Variants in ESR1 observed in about 807,000 individuals in gnomAD.
ESR1 encodes estrogen receptor.
Under a neutral mutation model 52.7 loss-of-function variants are expected in ESR1, and 12 were observed. The ratio of observed to expected loss-of-function variants is 0.23; its 90% CI spans 0.15 to 0.37. The LOEUF is 0.37. ESR1 is among the 10% of genes least tolerant of loss of function. ESR1 has a pLI of 1.00. For synonymous variants in ESR1, 305 were observed against 316.8 expected, an observed-to-expected ratio of 0.96 and a Z score of 0.39; for missense variants, 584 against 779.7, an observed-to-expected ratio of 0.75 and a Z score of 2.99.
At position 151,981,493 on chromosome 6, in the gene ESR1, A is replaced by G. The variant is rs55755458; in HGVS notation, c.1097-30163A>G. 5.1e-3 allele frequency among the ~76,000 whole-genome samples: 776 copies of G among 152,326 alleles called. 9 individuals carry two copies. Among genetic ancestry groups the G allele is most frequent in the African/African-American group, 0.018 (756 of 41,578 alleles). On this transcript the variant is annotated intron_variant, in intron 4 of 7. Transcript: ENST00000206249. ...TTATGGAAACTTTCGACCCAAGGGA[A>G]ATATCAAGGCTAAAGTTGCTATATT...
rs375828683 is a variant in ESR1, at chr6:151,985,959, G to A, written c.1097-25697G>A. Among the ~76,000 whole-genome samples the A allele has an allele frequency of 9.3e-4, 142 of 152,264 alleles. 3 individuals carry two copies. The Middle Eastern group carries it at 0.024, about 26-fold the overall frequency. On this transcript the variant is annotated intron_variant, in intron 4 of 7. Transcript: ENST00000206249. ...GCTGGGATTACAGGTGTGAGCCACC[G>A]TGCCTGCCCCAATTGTTACAGCTTT... is the stretch of plus-strand genomic sequence containing the variant.
At chr6:152,087,651 G>A (rs1471890928) in intron 6 of ESR1, among the ~76,000 whole-genome samples, 1 of 152,198 alleles carries the variant, frequency 6.6e-6, no homozygotes, top group Non-Finnish European at 1.5e-5. Context: ...AGCCAGAAAG[G>A]CAGAACAGGC....
Position 152,028,080 on chromosome 6 carries a change from C to T in ESR1, c.1235+16286C>T, listed in dbSNP as rs1312476943. Among the ~76,000 whole-genome samples the T allele has an allele frequency of 2.0e-5, 3 of 151,994 alleles. No individual in the cohort carries two copies. In the East Asian group the frequency reaches 5.8e-4, roughly 29 times the overall value. ...AATGGCCTGAATCCGGGAGGCAGAG[C>T]TTGCAGTGAGCCAAGATCACGCCAT... On this transcript the variant is annotated intron_variant, in intron 5 of 7. Transcript: ENST00000206249.
chr6:151,988,562 G>A (rs2040720534), intron 4 of ESR1, among the ~76,000 whole-genome samples: 1 of 152,072 alleles, frequency 6.6e-6, no homozygotes, highest in Non-Finnish European at 1.5e-5. Flanking sequence ...ACACACTGGG[G>A]CCTTTCGGAG....
At chr6:151,692,732 C>T (rs1297373746) in intron 1 of ESR1, among the ~76,000 whole-genome samples, 1 of 152,212 alleles carries the variant, frequency 6.6e-6, no homozygotes, top group East Asian at 1.9e-4. Flanking sequence ...GGCAACATCT[C>T]AGTAGACTTC....
intron 3 of ESR1, among the ~76,000 whole-genome samples, chr6:151,903,680 A>G (rs924646647): frequency 6.6e-6 from 1 of 152,172 alleles, no homozygotes; most frequent in African/African-American, 2.4e-5. Flanking sequence ...GACCTCTCAC[A>G]GGGAAGAGCA....
At chr6:152,090,031 G>A (rs1405431846) in intron 6 of ESR1, among the ~76,000 whole-genome samples, 2 of 152,200 alleles carry the variant, frequency 1.3e-5, no homozygotes, top group Non-Finnish European at 2.9e-5. Flanking sequence ...GCCTCGGGCT[G>A]TCCAAACACC....
intron 4 of ESR1, among the ~76,000 whole-genome samples, chr6:151,953,236 T>C (rs1478025624): frequency 6.6e-6 from 1 of 152,162 alleles, no homozygotes; most frequent in African/African-American, 2.4e-5. Context: ...AGACCCATTG[T>C]GTGCTAACCT....
At chr6:151,714,489 C>G (rs1048684692) in intron 2 of ESR1, among the ~76,000 whole-genome samples, 7 of 152,114 alleles carry the variant, frequency 4.6e-5, no homozygotes, top group African/African-American at 1.7e-4. Context: ...TTGTAGGTCT[C>G]TAAGAACTTG....
intron 1 of ESR1, among the ~76,000 whole-genome samples, chr6:151,822,136 TA>T (rs1174989915): frequency 6.6e-6 from 1 of 152,192 alleles, no homozygotes; most frequent in African/African-American, 2.4e-5. Context: ...AATTGTCAGT[TA>T]AAAAATTTTA....
intron 2 of ESR1, among the ~76,000 whole-genome samples, chr6:151,853,458 A>C (rs566021688): frequency 6.6e-6 from 1 of 152,202 alleles, no homozygotes; most frequent in Non-Finnish European, 1.5e-5. Flanking sequence ...TGAAGAACTC[A>C]GAAGAGTTAA....
chr6:152,061,096 C>T lies in ESR1; in HGVS notation c.1341C>T (p.Cys447=), dbSNP rs1218400772. 3 of 1,613,556 alleles carry T rather than the reference C, an allele frequency of 1.9e-6. No homozygotes were observed. Among genetic ancestry groups the T allele is most frequent in the Admixed American group, 1.7e-5 (1 of 59,974 alleles). ...MMNLQGEEFV[C]LKSIILLNSG... ...ATCTGCAGGGAGAGGAGTTTGTGTGCCTCAAATCTATTATTTTGCTTAATT... is the reference window on the plus strand; with the variant it reads ...ATCTGCAGGGAGAGGAGTTTGTGTGTCTCAAATCTATTATTTTGCTTAATT... The change falls in exon 6 of 8, where the codon TGC becomes TGT. Residue 447 remains cysteine (C), a synonymous_variant. Transcript: ENST00000206249. This position sits in a 1 kb window ranked among gnomAD's most constrained non-coding sequence, Gnocchi z 4.3.
At chr6:151,832,416 A>T (rs574294066) in intron 1 of ESR1, among the ~76,000 whole-genome samples, 85 of 152,298 alleles carry the variant, frequency 5.6e-4, no homozygotes, top group Middle Eastern at 6.8e-3. Context: ...TACAAAATAA[A>T]TACATACAAA....
intron 6 of ESR1, among the ~76,000 whole-genome samples, chr6:152,120,589 G>A (rs929815746): frequency 8.5e-5 from 13 of 152,122 alleles, no homozygotes; most frequent in African/African-American, 2.4e-4. Flanking sequence ...CAAGAAGGAG[G>A]TGGCTTGTGA....
At chr6:152,037,580 G>A (rs1026351399) in intron 5 of ESR1, among the ~76,000 whole-genome samples, 3 of 152,128 alleles carry the variant, frequency 2.0e-5, no homozygotes. Flanking sequence ...AGCCTTAGAG[G>A]CATTCCTTCT....
At chr6:151,869,760 AT>A (rs932234155) in intron 2 of ESR1, among the ~76,000 whole-genome samples, 15 of 152,120 alleles carry the variant, frequency 9.9e-5, no homozygotes, top group African/African-American at 3.6e-4. Flanking sequence ...TTTTTTAAAA[AT>A]TTTTTTTCTT....
At chr6:151,658,364 C>T (rs1001812981) in intron 1 of ESR1, among the ~76,000 whole-genome samples, 4 of 152,212 alleles carry the variant, frequency 2.6e-5, no homozygotes, top group Non-Finnish European at 5.9e-5. Context: ...TCCTTTTCCC[C>T]TCTGGTATTC....
chr6:151,933,852 A>T (rs1453650114), intron 3 of ESR1, among the ~76,000 whole-genome samples: 1 of 152,186 alleles, frequency 6.6e-6, no homozygotes, highest in Non-Finnish European at 1.5e-5. Flanking sequence ...ACTTCTCAGC[A>T]TTTTTAAAAT....
Position 151,674,283 on chromosome 6 carries a change from T to C in ESR1, n.73+17520T>C, listed in dbSNP as rs543518430. 1.6e-3 allele frequency among the ~76,000 whole-genome samples: 243 copies of C among 152,246 alleles called. 2 individuals carry two copies. The highest frequency in any genetic ancestry group is 5.7e-3 in the African/African-American group (235 of 41,524). ...ATTTATGAGTGAGAACATGCAGTGG[T>C]TGGTTTTCTGTTCCTGTGTTAGTTT... On this transcript the variant is annotated intron_variant and non_coding_transcript_variant, in intron 1 of 2. Coordinates refer to the ESR1 transcript ENST00000473497.
Sources: allele counts gnomAD v4.1 joint callset (sites outside exome capture counted in the v4.1 genomes callset), GRCh38; gene constraint gnomAD v4.1.1; non-coding constraint Gnocchi (gnomAD v3.1); transcripts MANE v1.5; gene names NCBI Gene and HGNC (gene_info 2026-07-23, HGNC 2026-07-21).